CAMK2D: variants seen among roughly 807,000 people sequenced by gnomAD.
CAMK2D encodes calcium/calmodulin-dependent protein kinase type II subunit delta.
In CAMK2D, 37 loss-of-function variants were observed where a neutral mutation model predicts 84.0. The observed-to-expected ratio is 0.44, with a 90% CI of 0.34 to 0.58. The LOEUF is 0.58. Ranked by LOEUF, CAMK2D falls within the 20% of genes least tolerant of loss-of-function variation. The probability of loss-of-function intolerance (pLI) is 0.02; values close to 1 mark genes in which losing one functional copy is unlikely to be tolerated. For missense variants in CAMK2D, 448 were observed against 652.5 expected, an observed-to-expected ratio of 0.69 and a Z score of 3.41; for synonymous variants, 202 against 212.5, an observed-to-expected ratio of 0.95 and a Z score of 0.43.
At chr4:113,540,506 G>C (rs542284968) in intron 6 of CAMK2D, among the ~76,000 whole-genome samples, 1 of 152,310 alleles carries the variant, frequency 6.6e-6, no homozygotes, top group East Asian at 1.9e-4. Context: ...AGAATGCGAA[G>C]ACCTGGGTTC....
At chr4:113,494,097 C>T (rs1166952120) in intron 16 of CAMK2D, among the ~76,000 whole-genome samples, 43 of 152,306 alleles carry the variant, frequency 2.8e-4, no homozygotes, top group Non-Finnish European at 5.3e-4. Flanking sequence ...AATGTCCTCC[C>T]GTAGCTCAGA....
chr4:113,739,599 G>A (rs1390216660), intron 2 of CAMK2D, among the ~76,000 whole-genome samples: 2 of 152,128 alleles, frequency 1.3e-5, no homozygotes, highest in African/African-American at 4.8e-5. Flanking sequence ...TAATTGACAT[G>A]AGTAAAGAGA....
chr4:113,627,401 T>C (rs767828369), intron 3 of CAMK2D, among the ~76,000 whole-genome samples: 1 of 152,178 alleles, frequency 6.6e-6, no homozygotes, highest in Non-Finnish European at 1.5e-5. Flanking sequence ...CCACTGTTCC[T>C]GGGGGAAATA....
chr4:113,669,260 T>TTTTC (rs1309787914), intron 2 of CAMK2D, among the ~76,000 whole-genome samples: 15 of 152,230 alleles, frequency 9.9e-5, no homozygotes, highest in Admixed American at 9.8e-4. Context: ...TATTTTCATA[T>TTTTC]AAATGTTTAT....
chr4:113,460,831 G>A (rs752203008), intron 17 of CAMK2D, among the ~76,000 whole-genome samples: 4 of 151,932 alleles, frequency 2.6e-5, no homozygotes, highest in Non-Finnish European at 4.4e-5. Flanking sequence ...GAGTATTGGC[G>A]TACAGTACCA....
intron 16 of CAMK2D, among the ~76,000 whole-genome samples, chr4:113,488,181 G>A (rs939613778): frequency 6.6e-6 from 1 of 151,922 alleles, no homozygotes; most frequent in African/African-American, 2.4e-5. Context: ...TTTTTGTTAG[G>A]TAATGGGAAA....
intron 17 of CAMK2D, among the ~76,000 whole-genome samples, chr4:113,464,489 A>G (rs1412307875): frequency 6.6e-6 from 1 of 152,088 alleles, no homozygotes; most frequent in Non-Finnish European, 1.5e-5. Flanking sequence ...CAGCTTTTGG[A>G]TCTTTCTAGC....
chr4:113,482,508 C>T (rs1187188368), intron 16 of CAMK2D, among the ~76,000 whole-genome samples: 1 of 152,080 alleles, frequency 6.6e-6, no homozygotes, highest in African/African-American at 2.4e-5. Flanking sequence ...ACATACTATA[C>T]AGGAGTATTG....
At chr4:113,753,870 GCTTT>G (rs2099622683) in intron 2 of CAMK2D, 1 of 984,458 alleles carries the variant, frequency 1.0e-6, no homozygotes, top group African/African-American at 1.7e-5. Context: ...TATATGAAAG[GCTTT>G]CTTTATCTCC....
At chr4:113,581,983 CTCTG>C (rs983162950) in intron 4 of CAMK2D, among the ~76,000 whole-genome samples, 1 of 152,128 alleles carries the variant, frequency 6.6e-6, no homozygotes, top group Non-Finnish European at 1.5e-5. Context: ...CTCAATGATT[CTCTG>C]TCTGCCTGCT....
At chr4:113,653,440 T>A (rs1356342524) in intron 3 of CAMK2D, among the ~76,000 whole-genome samples, 1 of 152,006 alleles carries the variant, frequency 6.6e-6, no homozygotes, top group Admixed American at 6.6e-5. Context: ...TGTTAGAGAG[T>A]CACTAGAGAA....
intron 2 of CAMK2D, among the ~76,000 whole-genome samples, chr4:113,696,169 T>G (rs2099401866): frequency 7.1e-6 from 1 of 141,342 alleles, no homozygotes; most frequent in Non-Finnish European, 1.5e-5. Flanking sequence ...CGCACACCAC[T>G]TGACAGACAG....
intron 2 of CAMK2D, among the ~76,000 whole-genome samples, chr4:113,741,070 T>C (rs1481816912): frequency 6.6e-6 from 1 of 152,144 alleles, no homozygotes; most frequent in African/African-American, 2.4e-5. Context: ...TCAGCCATCT[T>C]AGTTATCACA....
At chr4:113,628,473 C>T (rs2099076588) in intron 3 of CAMK2D, among the ~76,000 whole-genome samples, 2 of 151,992 alleles carry the variant, frequency 1.3e-5, no homozygotes, top group South Asian at 4.1e-4. Flanking sequence ...GTCTGGGTGA[C>T]CTTTCTTCTG....
chr4:113,746,980 AT>A (rs1420660573), intron 2 of CAMK2D, among the ~76,000 whole-genome samples: 1 of 148,060 alleles, frequency 6.8e-6, no homozygotes, highest in African/African-American at 2.5e-5. Context: ...CATTAATAAT[AT>A]ATATATATAT....
At chr4:113,713,850 A>G (rs2099503032) in intron 2 of CAMK2D, among the ~76,000 whole-genome samples, 1 of 151,630 alleles carries the variant, frequency 6.6e-6, no homozygotes, top group Non-Finnish European at 1.5e-5. Flanking sequence ...ATTTACATGT[A>G]GCATATTCTT....
chr4:113,530,219 G>A (rs2098448957), intron 8 of CAMK2D, among the ~76,000 whole-genome samples: 2 of 152,162 alleles, frequency 1.3e-5, no homozygotes, highest in Admixed American at 6.5e-5. Flanking sequence ...TACATAATAA[G>A]ATATCTTGGG....
chr4:113,488,409 G>C (rs2097786995), intron 16 of CAMK2D, among the ~76,000 whole-genome samples: 1 of 152,056 alleles, frequency 6.6e-6, no homozygotes, highest in African/African-American at 2.4e-5. Flanking sequence ...TTGCGTGAGT[G>C]GAAAATCAGA....
chr4:113,635,800 G>A (rs2099107809), intron 3 of CAMK2D, among the ~76,000 whole-genome samples: 1 of 152,152 alleles, frequency 6.6e-6, no homozygotes, highest in Admixed American at 6.5e-5. Flanking sequence ...AAAATTTGTA[G>A]TTTATCTGTA....
Sources: allele counts gnomAD v4.1 joint callset (sites outside exome capture counted in the v4.1 genomes callset), GRCh38; gene constraint gnomAD v4.1.1; transcripts MANE v1.5; gene names NCBI Gene and HGNC (gene_info 2026-07-23, HGNC 2026-07-21).